The following SLC35A1 variants were observed in gnomAD, a reference collection of about 807,000 sequenced individuals.
SLC35A1 encodes CMP-sialic acid transporter.
Under a neutral mutation model 40.3 loss-of-function variants are expected in SLC35A1, and 21 were observed. The ratio of observed to expected loss-of-function variants is 0.52; its 90% confidence interval spans 0.37 to 0.75. SLC35A1 has a LOEUF of 0.75. Among genes scored for constraint, SLC35A1 ranks in the 30% least tolerant of loss-of-function variants. The pLI is 0.00. For missense variants in SLC35A1, 297 were observed against 382.1 expected (o/e 0.78, Z 1.86); for synonymous variants, 146 against 147.3 (o/e 0.99, Z 0.06).
intron 2 of SLC35A1, 87 bp from the exon 3 acceptor site, chr6:87,500,421 G>A: frequency 7.6e-7 from 1 of 1,318,436 alleles, no homozygotes; most frequent in Non-Finnish European, 1.1e-6. Flanking sequence ...TAGTATGCTT[G>A]TCCTGTGTTT....
intron 4 of SLC35A1, among the ~76,000 whole-genome samples, chr6:87,502,366 T>G (rs767655128): frequency 7.9e-5 from 12 of 152,206 alleles, no homozygotes; most frequent in Non-Finnish European, 1.3e-4. Context: ...CAGTCATGCA[T>G]CGCTTAACAA....
Position 87,511,913 on chromosome 6 carries a change from G to A in SLC35A1, c.*387G>A. The stretch of plus-strand genomic sequence containing the variant: ...CCATTTCTGTACTAACTGTTCTCTT[G>A]TTCCGGTACCGGGGAGAAGGATGAC... On this transcript the variant is annotated 3_prime_UTR_variant, in exon 8 of 8. Coordinates refer to ENST00000369552, the MANE Select transcript of SLC35A1 (RefSeq NM_006416.5). 7.3e-6 allele frequency: 2 copies of A among 272,270 alleles called. No homozygotes were observed. Among genetic ancestry groups the A allele is most frequent in the Non-Finnish European group, 7.2e-6 (1 of 139,334 alleles). 16.9% of individuals were successfully genotyped at this position (272,270 alleles called of 1,614,324 possible).
rs9450704 is a variant in SLC35A1 at position 87,472,986 on chromosome 6, G to T, written c.-18G>T. 7 of 660,266 alleles carry T rather than the reference G, an allele frequency of 1.1e-5. No homozygotes were observed. In the South Asian group the frequency reaches 1.9e-4, roughly 18 times the overall value. 40.9% of individuals were successfully genotyped at this position (660,266 alleles called of 1,614,324 possible). A position where few individuals can be genotyped will look rare whatever the true frequency, so the allele number is the denominator to read the frequency against. ...GGAGGGGGCGGGCGTCAGTTCCGCGGGGGGCTGTCGGGGAACCATGGCTGC... is the reference window on the plus strand; with the variant it reads ...GGAGGGGGCGGGCGTCAGTTCCGCGTGGGGCTGTCGGGGAACCATGGCTGC... On this transcript the variant is annotated 5_prime_UTR_variant, in exon 1 of 8. Coordinates refer to ENST00000369552, the MANE Select transcript of SLC35A1 (RefSeq NM_006416.5).
At chr6:87,499,073 T>A (rs1266178798) in intron 2 of SLC35A1, 4 of 953,796 alleles carry the variant, frequency 4.2e-6, no homozygotes, top group Non-Finnish European at 1.2e-6. Context: ...AAGAAGGATG[T>A]CTTTTGTTTC....
intron 7 of SLC35A1, among the ~76,000 whole-genome samples, chr6:87,510,354 AG>A (rs1322805342): frequency 2.0e-5 from 3 of 152,220 alleles, no homozygotes; most frequent in African/African-American, 7.2e-5. Context: ...TAGGAACAGT[AG>A]AAAATGCTTT....
In SLC35A1 at chr6:87,511,510, G is replaced by C. The variant is rs566856089; in HGVS notation, c.998G>C (p.Arg333Thr). The change falls in exon 8 of 8, where the codon AGA (arginine) becomes ACA (threonine). Residue 333 changes from arginine (R) to threonine (T), a missense_variant. Coordinates refer to ENST00000369552, the MANE Select transcript of SLC35A1 (RefSeq NM_006416.5). ...IQQGETASKE[R>T]VIGV is the part of the protein sequence containing the mutation. ...CAAGGAGAAACAGCTTCAAAGGAGA[G>C]AGTTATTGGTGTGTGATTTTAGCCT... is the stretch of plus-strand genomic sequence containing the variant. The C allele has an allele frequency of 6.2e-7, 1 of 1,613,932 alleles. No individual in the cohort carries two copies. Among genetic ancestry groups the C allele is most frequent in the Non-Finnish European group, 8.5e-7 (1 of 1,179,980 alleles).
chr6:87,476,012 TC>T (rs10711430), intron 1 of SLC35A1, among the ~76,000 whole-genome samples: 11,661 of 152,226 alleles, frequency 0.077, 476 homozygotes, highest in East Asian at 0.096. Flanking sequence ...AATAGTTTGA[TC>T]CTTGGGTGAT....
At chr6:87,499,112 T>C (rs906334552) in intron 2 of SLC35A1, 2 of 983,748 alleles carry the variant, frequency 2.0e-6, no homozygotes, top group Admixed American at 6.1e-5. Flanking sequence ...TCCTGTCTTA[T>C]TAATTAAGCA....
chr6:87,508,677 C>T (rs1462492447), intron 6 of SLC35A1, 81 bp downstream of exon 6: 52 of 1,123,700 alleles, frequency 4.6e-5, no homozygotes, highest in Non-Finnish European at 6.6e-5. Flanking sequence ...GCTGTTATAA[C>T]ATTTTGAAAT....
chr6:87,483,171 C>T (rs1248300893), intron 2 of SLC35A1, among the ~76,000 whole-genome samples: 1 of 151,874 alleles, frequency 6.6e-6, no homozygotes, highest in Non-Finnish European at 1.5e-5. Context: ...CTGTCTCTCT[C>T]TCTCTCTTTC....
intron 2 of SLC35A1, among the ~76,000 whole-genome samples, chr6:87,499,938 A>G (rs1273185172): frequency 6.6e-6 from 1 of 152,112 alleles, no homozygotes; most frequent in Non-Finnish European, 1.5e-5. Context: ...CAACAATACT[A>G]AAAATACAAA....
intron 2 of SLC35A1, among the ~76,000 whole-genome samples, chr6:87,484,200 G>A (rs1769328294): frequency 6.6e-6 from 1 of 152,010 alleles, no homozygotes; most frequent in South Asian, 2.1e-4. Flanking sequence ...TGCACTGGGC[G>A]GGTCCTGATT....
intron 7 of SLC35A1, 60 bp downstream of exon 7, chr6:87,509,235 T>C (rs747081301): frequency 1.0e-4 from 168 of 1,601,454 alleles, no homozygotes; most frequent in Non-Finnish European, 1.3e-4. Context: ...CCTTGATTCA[T>C]TTAATCCCTT....
intron 2 of SLC35A1, chr6:87,499,229 G>T: frequency 3.8e-6 from 2 of 523,590 alleles, no homozygotes; most frequent in Non-Finnish European, 4.9e-6. Context: ...TATATTTGCA[G>T]CATTTAAAAA....
Position 87,498,771 on chromosome 6 carries a change from A to C in SLC35A1, c.195-1737A>C, listed in dbSNP as rs886299082. 2.8e-4 allele frequency among the ~76,000 whole-genome samples: 43 copies of C among 152,314 alleles called. 1 individual carries two copies. Among genetic ancestry groups the C allele is most frequent in the African/African-American group, 8.9e-4 (37 of 41,560 alleles). On this transcript the variant is annotated intron_variant, in intron 2 of 7. Transcript: ENST00000369552. ...GGTGACAGAGAAAGACTCCGTCTCA[A>C]AAAAAACAAAACAAAACAACAAAGA...
Position 87,511,580 on chromosome 6 carries a change from A to AGCCT in SLC35A1, c.*55_*58dup. ...GACTAAACCATTTGCATTAAACTAG[A>AGCCT]GCCTTAAGTCAATCTCAGAAGGTAG... is the stretch of plus-strand genomic sequence containing the variant. On this transcript the variant is annotated 3_prime_UTR_variant, in exon 8 of 8. Coordinates refer to ENST00000369552, the MANE Select transcript of SLC35A1 (RefSeq NM_006416.5). 6.3e-7 allele frequency: 1 copy of AGCCT among 1,582,838 alleles called. No homozygotes were observed. The highest frequency in any genetic ancestry group is 8.7e-7 in the Non-Finnish European group (1 of 1,151,762).
intron 2 of SLC35A1, among the ~76,000 whole-genome samples, chr6:87,483,862 T>G (rs941524277): frequency 6.6e-6 from 1 of 152,166 alleles, no homozygotes; most frequent in African/African-American, 2.4e-5. Flanking sequence ...TTCTTAGTGT[T>G]GGCGTGCTGG....
chr6:87,511,273 T>C (rs1326179607), intron 7 of SLC35A1, 126 bp from the exon 8 acceptor site: 13 of 1,015,048 alleles, frequency 1.3e-5, no homozygotes, highest in South Asian at 6.8e-5. Flanking sequence ...TTTCTAAACC[T>C]TGCCATCATA....
chr6:87,508,507 C>T lies in SLC35A1; in HGVS notation c.662C>T (p.Thr221Ile). Residue 221 changes from threonine to isoleucine, a missense_variant, in exon 6 of 8, where the codon ACA (threonine) becomes ATA (isoleucine). Physicochemically the swap from Thr to Ile is moderately conservative, Grantham distance 89. Transcript: ENST00000369552. ...IQMYLSGIIV[T>I]LAGVYLSDGA... ...ATGTATCTATCAGGGATTATTGTGA[C>T]ATTAGCTGGCGTCTACTTGTCAGAT... 6.2e-7 allele frequency: 1 copy of T among 1,612,562 alleles called. No homozygotes were observed. The highest frequency in any genetic ancestry group is 8.5e-7 in the Non-Finnish European group (1 of 1,178,974).
Sources: allele counts gnomAD v4.1 joint callset (sites outside exome capture counted in the v4.1 genomes callset), GRCh38; gene constraint gnomAD v4.1.1; transcripts MANE v1.5; gene names NCBI Gene and HGNC (gene_info 2026-07-23, HGNC 2026-07-21).